ATP10B: variants seen among roughly 807,000 people sequenced by gnomAD.
ATP10B encodes ATPase phospholipid transporting 10B (putative).
In ATP10B, 122 loss-of-function variants were observed where a neutral mutation model predicts 141.2. That is an observed-to-expected ratio of 0.86 (90% CI 0.75 to 1.00). The LOEUF (loss-of-function observed/expected upper bound fraction) is 1.00, where lower values mean the gene tolerates loss of function less well. ATP10B is among the 50% of genes least tolerant of loss of function. The pLI is 0.00. For synonymous variants in ATP10B, 685 were observed against 692.0 expected (o/e 0.99, Z 0.16); for missense variants, 1,876 against 1,825.3 (o/e 1.03, Z -0.51).
At chr5:160,782,921 A>G (rs1770825418) in intron 2 of ATP10B, among the ~76,000 whole-genome samples, 1 of 152,170 alleles carries the variant, frequency 6.6e-6, no homozygotes, top group African/African-American at 2.4e-5. Flanking sequence ...GTGTTTATAC[A>G]TAACAGGTAT....
intron 1 of ATP10B, among the ~76,000 whole-genome samples, chr5:160,824,083 G>A (rs1161627940): frequency 3.3e-5 from 5 of 151,958 alleles, no homozygotes; most frequent in South Asian, 2.1e-4. Context: ...GAACAGTGAC[G>A]TGATCTCGGC....
intron 9 of ATP10B, 91 bp from the exon 10 acceptor site, chr5:160,640,683 T>C: frequency 6.0e-6 from 9 of 1,498,746 alleles, no homozygotes; most frequent in East Asian, 2.3e-5. Context: ...GAGCTTAAGA[T>C]AAAAGAGAGG....
chr5:160,817,071 C>T (rs1312241864), intron 1 of ATP10B, among the ~76,000 whole-genome samples: 4 of 152,202 alleles, frequency 2.6e-5, no homozygotes. Flanking sequence ...AAACTGGAAG[C>T]ATTCCCTTTG....
the ATP10B span, among the ~76,000 whole-genome samples, chr5:160,866,602 G>A: frequency 4.1e-3 from 628 of 152,198 alleles, 8 homozygotes; most frequent in South Asian, 0.01. Flanking sequence ...GAACCTGGGA[G>A]TTAAGAGGTT....
chr5:160,579,574 G>GTAGCA (rs1232762990), intron 24 of ATP10B, among the ~76,000 whole-genome samples: 1 of 152,116 alleles, frequency 6.6e-6, no homozygotes, highest in Non-Finnish European at 1.5e-5. Context: ...CTGTAGCCTT[G>GTAGCA]TAGCATAGTT....
the ATP10B span, among the ~76,000 whole-genome samples, chr5:160,906,239 G>A: frequency 6.6e-6 from 1 of 152,004 alleles, no homozygotes; most frequent in African/African-American, 2.4e-5. Flanking sequence ...TGTGACCATG[G>A]AAGTAGATTG....
At chr5:160,872,356 T>C in the ATP10B span, among the ~76,000 whole-genome samples, 2 of 152,228 alleles carry the variant, frequency 1.3e-5, no homozygotes, top group Non-Finnish European at 2.9e-5. Flanking sequence ...CTGTTCCTTT[T>C]GCCAAGCAAA....
the ATP10B span, among the ~76,000 whole-genome samples, chr5:160,929,039 A>G: frequency 2.0e-5 from 3 of 152,168 alleles, no homozygotes; most frequent in African/African-American, 7.2e-5. Flanking sequence ...GGTCCCTGGG[A>G]TCCTGTTGCT....
intron 1 of ATP10B, among the ~76,000 whole-genome samples, chr5:160,824,963 C>CTT (rs34872515): frequency 3.5e-3 from 535 of 151,832 alleles, no homozygotes; most frequent in Non-Finnish European, 4.7e-3. Flanking sequence ...TCCTTAAACT[C>CTT]TTTTTTTTAA....
intron 3 of ATP10B, among the ~76,000 whole-genome samples, chr5:160,697,230 A>G (rs1396860390): frequency 1.3e-5 from 2 of 152,170 alleles, no homozygotes; most frequent in East Asian, 1.9e-4. Flanking sequence ...AGAAATTGCC[A>G]TTTGAAAGAC....
the ATP10B span, among the ~76,000 whole-genome samples, chr5:160,865,112 C>A: frequency 6.6e-6 from 1 of 152,014 alleles, no homozygotes; most frequent in Non-Finnish European, 1.5e-5. Context: ...GCCCACAGAG[C>A]CAAAGCACTA....
chr5:160,789,996 G>A (rs1274584517), intron 1 of ATP10B, among the ~76,000 whole-genome samples: 2 of 151,946 alleles, frequency 1.3e-5, no homozygotes, highest in Non-Finnish European at 2.9e-5. Context: ...TATCCTCTTC[G>A]AGCTTCTGTC....
chr5:160,605,803 G>T (rs1757353110), intron 19 of ATP10B, among the ~76,000 whole-genome samples: 1 of 152,182 alleles, frequency 6.6e-6, no homozygotes, highest in Non-Finnish European at 1.5e-5. Context: ...CTTGGTATGT[G>T]CTGGGCAGGG....
intron 2 of ATP10B, among the ~76,000 whole-genome samples, chr5:160,771,739 C>T (rs1302391887): frequency 7.2e-5 from 11 of 152,222 alleles, no homozygotes; most frequent in African/African-American, 2.7e-4. Context: ...TACCTTAGCT[C>T]TCTGTCCCAT....
chr5:160,689,747 G>T (rs913474055), intron 3 of ATP10B, among the ~76,000 whole-genome samples: 3 of 152,130 alleles, frequency 2.0e-5, no homozygotes, highest in Non-Finnish European at 4.4e-5. Context: ...ATCATGGATA[G>T]GAAAAATCAA....
intron 6 of ATP10B, among the ~76,000 whole-genome samples, chr5:160,681,207 T>C (rs771739365): frequency 1.3e-5 from 2 of 152,232 alleles, no homozygotes; most frequent in African/African-American, 4.8e-5. Flanking sequence ...ACAAAGCTGA[T>C]AGGCTACTTA....
intron 2 of ATP10B, among the ~76,000 whole-genome samples, chr5:160,734,630 A>G (rs1426732927): frequency 2.0e-5 from 3 of 152,020 alleles, no homozygotes; most frequent in Non-Finnish European, 4.4e-5. Flanking sequence ...TTAAAACAAA[A>G]CTTTAAAAAT....
intron 1 of ATP10B, among the ~76,000 whole-genome samples, chr5:160,814,763 C>T (rs1773467916): frequency 6.6e-6 from 1 of 152,148 alleles, no homozygotes; most frequent in African/African-American, 2.4e-5. Flanking sequence ...TAAAGGAAAG[C>T]CCATCAGACT....
At chr5:160,702,449 G>A (rs924286525) in intron 3 of ATP10B, among the ~76,000 whole-genome samples, 1 of 152,090 alleles carries the variant, frequency 6.6e-6, no homozygotes, top group Non-Finnish European at 1.5e-5. Flanking sequence ...GCAAAATAAC[G>A]TCAATATAAA....
Sources: gnomAD v4.1 joint callset for allele counts (sites outside exome capture counted in the v4.1 genomes callset) on GRCh38, gnomAD v4.1.1 for gene constraint, MANE v1.5 for transcripts, NCBI Gene and HGNC (gene_info 2026-07-23, HGNC 2026-07-21) for gene names.